Variants in XKR7 observed in about 807,000 individuals in gnomAD.
XKR7 encodes the protein XK related 7.
A neutral mutation model predicts 42.2 loss-of-function variants in XKR7; 11 were observed. The ratio of observed to expected loss-of-function variants is 0.26; its 90% CI spans 0.16 to 0.43. The LOEUF (loss-of-function observed/expected upper bound fraction) is 0.43, where lower values mean the gene tolerates loss of function less well. XKR7 is among the 20% of genes least tolerant of loss of function. The pLI is 1.00. For missense variants in XKR7, 710 were observed against 802.2 expected (o/e 0.89, Z 1.39); for synonymous variants, 346 against 366.4 (o/e 0.94, Z 0.64).
At position 31,996,879 on chromosome 20, in the gene XKR7, C is replaced by A; in HGVS notation, c.1162C>A (p.His388Asn). The A allele has an allele frequency of 6.2e-7, 1 of 1,613,908 alleles. No individual in the cohort carries two copies. Among genetic ancestry groups the A allele is most frequent in the Non-Finnish European group, 8.5e-7 (1 of 1,180,018 alleles). Residue 388 changes from histidine to asparagine, a missense_variant, in exon 3 of 3, where the codon CAC (histidine) becomes AAC (asparagine). Physicochemically the swap from His to Asn is moderately conservative, Grantham distance 68. This residue lies in a region of XKR7 where 708 missense variants were observed against 786.2 expected (regional missense o/e 0.90). Coordinates refer to ENST00000562532, the MANE Select transcript of XKR7 (RefSeq NM_001011718.2). ...GRSRRRMTLY[H>N]CIVLLENAAL... ...CAGCCGCCGCCGCATGACCCTCTAC[C>A]ACTGCATCGTCCTGCTGGAGAACGC...
chr20:31,999,755 A>G lies in XKR7; in HGVS notation c.*2298A>G, dbSNP rs2064615432. On this transcript the variant is annotated 3_prime_UTR_variant, in exon 3 of 3. Transcript: ENST00000562532. ...ACGTCCCTGCAAGAGAGGTATTATC[A>G]ACCCATCTTACAGACGAGGAAACTG... 6.6e-6 allele frequency: 1 copy of G among 151,960 alleles called. No individual in the cohort carries two copies. Among genetic ancestry groups the G allele is most frequent in the Admixed American group, 6.6e-5 (1 of 15,256 alleles). The allele number at this position is 151,960 out of a possible 1,614,324, so 9.4% of individuals were successfully genotyped here. A position where few individuals can be genotyped will look rare whatever the true frequency, so the allele number is the denominator to read the frequency against.
intron 1 of XKR7, among the ~76,000 whole-genome samples, chr20:31,976,535 C>A (rs2064486095): frequency 6.6e-6 from 1 of 151,880 alleles, no homozygotes; most frequent in South Asian, 2.1e-4. Flanking sequence ...CATGTGCCCA[C>A]CCCCACACCC....
At position 31,968,890 on chromosome 20, in the gene XKR7, T is replaced by C. The variant is rs2064450821; in HGVS notation, c.584+131T>C. ...CTGACCTCCCCCCCTCCCCACCCCA[T>C]TGCAGCTCTAATTTCTTCTCAGTCG... is the stretch of plus-strand genomic sequence containing the variant. On this transcript the variant is annotated intron_variant, in intron 1 of 2. Coordinates refer to ENST00000562532, the MANE Select transcript of XKR7 (RefSeq NM_001011718.2). This position sits in a 1 kb window ranked among gnomAD's most constrained non-coding sequence, Gnocchi z 4.5. The C allele has an allele frequency of 1.5e-6, 2 of 1,346,384 alleles. No individual in the cohort carries two copies. Among genetic ancestry groups the C allele is most frequent in the Middle Eastern group, 2.7e-4 (1 of 3,692 alleles). 83.4% of individuals were successfully genotyped at this position (1,346,384 alleles called of 1,614,324 possible).
At chr20:31,976,827 T>A (rs575522094) in intron 1 of XKR7, among the ~76,000 whole-genome samples, 9 of 152,350 alleles carry the variant, frequency 5.9e-5, no homozygotes, top group African/African-American at 2.2e-4. Flanking sequence ...TGTGATCATC[T>A]ACCCACCTGG....
intron 1 of XKR7, among the ~76,000 whole-genome samples, chr20:31,978,432 C>A (rs1173528699): frequency 1.3e-5 from 2 of 152,134 alleles, no homozygotes; most frequent in African/African-American, 4.8e-5. Flanking sequence ...TTATTAAAAC[C>A]TTTTATTGCA....
chr20:31,988,715 T>G (rs2064554473), intron 1 of XKR7, among the ~76,000 whole-genome samples: 1 of 152,142 alleles, frequency 6.6e-6, no homozygotes, highest in African/African-American at 2.4e-5. Context: ...CTTCACGCAG[T>G]TCAAGCCTGA....
rs2064443056 is a variant in XKR7 at position 31,968,193 on chromosome 20, T to G, written c.18T>G (p.Asp6Glu). 3.4e-6 allele frequency: 4 copies of G among 1,168,032 alleles called. No homozygotes were observed. Among genetic ancestry groups the G allele is most frequent in the East Asian group, 3.8e-5 (1 of 26,580 alleles). 72.4% of individuals were successfully genotyped at this position (1,168,032 alleles called of 1,614,324 possible). MAAKS[D>E]GAAASASPDP... The stretch of plus-strand genomic sequence containing the variant: ...CCGCCAACATGGCCGCGAAGTCGGA[T>G]GGAGCGGCGGCCTCGGCCAGCCCGG... Residue 6 changes from aspartate to glutamate, a missense_variant, in exon 1 of 3, where the codon GAT (aspartate) becomes GAG (glutamate). Transcript: ENST00000562532. The surrounding 1 kb of genome is among the most constrained non-coding windows in gnomAD (Gnocchi z 4.5).
chr20:31,997,281 G>A lies in XKR7; in HGVS notation c.1564G>A (p.Val522Ile), dbSNP rs2064598910. The change falls in exon 3 of 3, where the codon GTC (valine) becomes ATC (isoleucine). Residue 522 changes from valine to isoleucine, a missense_variant. By Grantham distance (29) the Val-to-Ile change is conservative (BLOSUM62 3). Around this residue, in one of 2 missense-constraint regions of XKR7, gnomAD observed 708 missense variants for 786.2 expected, o/e 0.90. Transcript: ENST00000562532. ...VARTLRTEGP[V>I]IRIDLPRKKY... The stretch of plus-strand genomic sequence containing the variant: ...CCGCACCTTGCGGACAGAGGGGCCT[G>A]TCATCCGGATTGACTTGCCTCGCAA... 4.3e-6 allele frequency: 7 copies of A among 1,612,282 alleles called. No individual in the cohort carries two copies. Among genetic ancestry groups the A allele is most frequent in the Non-Finnish European group, 5.1e-6 (6 of 1,180,018 alleles).
chr20:31,990,194 G>C (rs564617088), intron 1 of XKR7, among the ~76,000 whole-genome samples: 2 of 151,916 alleles, frequency 1.3e-5, no homozygotes, highest in South Asian at 2.1e-4. Flanking sequence ...GTGTGTGTGT[G>C]TGTGTGTGTG....
rs2064608411 is a variant in XKR7, at chr20:31,998,599, C to T, written c.*1142C>T. 1 of 152,106 alleles carries T rather than the reference C, an allele frequency of 6.6e-6. No homozygotes were observed. Among genetic ancestry groups the T allele is most frequent in the Admixed American group, 6.5e-5 (1 of 15,278 alleles). The allele number at this position is 152,106 out of a possible 1,614,324, so 9.4% of individuals were successfully genotyped here. ...GAATGGAATTTTCTAGGAATGGGTGCTCTCATTCTAGACTTCTGGGGCTCA... is the reference window on the plus strand; with the variant it reads ...GAATGGAATTTTCTAGGAATGGGTGTTCTCATTCTAGACTTCTGGGGCTCA... On this transcript the variant is annotated 3_prime_UTR_variant, in exon 3 of 3. Coordinates refer to ENST00000562532, the MANE Select transcript of XKR7 (RefSeq NM_001011718.2).
chr20:31,970,949 C>G (rs1376177698), intron 1 of XKR7: 1 of 152,196 alleles, frequency 6.6e-6, no homozygotes, highest in African/African-American at 2.4e-5. Context: ...AGGGGGCATC[C>G]TTGTCCAAGG....
At chr20:31,989,082 T>A (rs1242922446) in intron 1 of XKR7, among the ~76,000 whole-genome samples, 1 of 151,912 alleles carries the variant, frequency 6.6e-6, no homozygotes, top group Non-Finnish European at 1.5e-5. Context: ...GATTTCATAG[T>A]GTAGGTTAAG....
intron 1 of XKR7, among the ~76,000 whole-genome samples, chr20:31,981,064 CAA>C (rs1304530509): frequency 5.8e-4 from 55 of 94,388 alleles, no homozygotes; most frequent in Admixed American, 8.2e-4. Context: ...GACCCTGTCT[CAA>C]AAAAAAAAAA....
chr20:31,975,802 C>T (rs2064482124), intron 1 of XKR7, among the ~76,000 whole-genome samples: 1 of 151,966 alleles, frequency 6.6e-6, no homozygotes, highest in South Asian at 2.1e-4. Flanking sequence ...TTTCAGTTAG[C>T]TAAAAAAATG....
chr20:32,001,428 A>T lies in XKR7; in HGVS notation c.*3971A>T, dbSNP rs987871009. 2 of 152,322 alleles carry T rather than the reference A, an allele frequency of 1.3e-5. No individual in the cohort carries two copies. The highest frequency in any genetic ancestry group is 3.9e-4 in the East Asian group (2 of 5,178). The allele number at this position is 152,322 out of a possible 1,614,324, so 9.4% of individuals were successfully genotyped here. A position where few individuals can be genotyped will look rare whatever the true frequency, so the allele number is the denominator to read the frequency against. ...TTGAGACTTACGGTTCAAAATGTTG[A>T]GAAGGTTCTGGAGTGTCCTGCCAAG... is the stretch of plus-strand genomic sequence containing the variant. On this transcript the variant is annotated 3_prime_UTR_variant, in exon 3 of 3. Coordinates refer to ENST00000562532, the MANE Select transcript of XKR7 (RefSeq NM_001011718.2).
At chr20:31,971,117 G>A (rs2064463406) in intron 1 of XKR7, among the ~76,000 whole-genome samples, 1 of 152,194 alleles carries the variant, frequency 6.6e-6, no homozygotes, top group African/African-American at 2.4e-5. Context: ...TAGAAAGTCA[G>A]GGCTTCTGTT....
chr20:31,985,697 CACAG>C (rs1409497060), intron 1 of XKR7, among the ~76,000 whole-genome samples: 1 of 140,818 alleles, frequency 7.1e-6, no homozygotes, highest in Non-Finnish European at 1.5e-5. Context: ...GCATCCAAGA[CACAG>C]ACAGACAGAC....
chr20:31,996,451 CA>C, intron 2 of XKR7, 53 bp from the exon 3 acceptor site: 1 of 775,992 alleles, frequency 1.3e-6, no homozygotes, highest in Non-Finnish European at 1.8e-6. Flanking sequence ...CCCCAGACCC[CA>C]ACCCGAGCCC....
At position 32,003,156 on chromosome 20, in the gene XKR7, C is replaced by T. The variant is rs2064633204; in HGVS notation, c.*5699C>T. ...TCTTCCTCCCTAACGGGCCCTCACC[C>T]CTGTCCTCTTCTGTTTCCTTTTCCT... On this transcript the variant is annotated 3_prime_UTR_variant, in exon 3 of 3. Coordinates refer to ENST00000562532, the MANE Select transcript of XKR7 (RefSeq NM_001011718.2). The T allele has an allele frequency of 6.6e-6, 1 of 152,394 alleles. No homozygotes were observed. The highest frequency in any genetic ancestry group is 1.5e-5 in the Non-Finnish European group (1 of 68,204). The allele number at this position is 152,394 out of a possible 1,614,324, so 9.4% of individuals were successfully genotyped here.
Sources: allele counts gnomAD v4.1 joint callset (sites outside exome capture counted in the v4.1 genomes callset), GRCh38; gene constraint gnomAD v4.1.1; regional missense constraint gnomAD v4.1.1; non-coding constraint Gnocchi (gnomAD v3.1); transcripts MANE v1.5; gene names NCBI Gene and HGNC (gene_info 2026-07-23, HGNC 2026-07-21).